TRIM9: variants seen among roughly 807,000 people sequenced by gnomAD.
TRIM9 encodes the protein tripartite motif containing 9.
A neutral mutation model predicts 78.3 loss-of-function variants in TRIM9; 26 were observed. The ratio of observed to expected loss-of-function variants is 0.33; its 90% CI spans 0.24 to 0.46. The LOEUF (loss-of-function observed/expected upper bound fraction) is 0.46. TRIM9 is among the 20% of genes least tolerant of loss of function. The pLI is 1.00. For missense variants in TRIM9, 787 were observed against 1,036.4 expected (o/e 0.76, Z 3.30); for synonymous variants, 398 against 416.5 (o/e 0.96, Z 0.54).
At chr14:50,986,717 T>C (rs1316850066) in intron 7 of TRIM9, among the ~76,000 whole-genome samples, 1 of 152,170 alleles carries the variant, frequency 6.6e-6, no homozygotes, top group Non-Finnish European at 1.5e-5. Context: ...TGTGGGGTGG[T>C]CTAAGGAAGA....
chr14:51,076,721 G>A (rs55928212), intron 1 of TRIM9, among the ~76,000 whole-genome samples: 39,332 of 152,078 alleles, frequency 0.26, 5,464 homozygotes, highest in African/African-American at 0.34. Context: ...CTTCGCAACA[G>A]TCCTTGGTGA....
intron 1 of TRIM9, among the ~76,000 whole-genome samples, chr14:51,092,828 A>G (rs1053801026): frequency 6.6e-6 from 1 of 152,166 alleles, no homozygotes; most frequent in Non-Finnish European, 1.5e-5. Context: ...AATATATAGC[A>G]TGCCACACAG....
chr14:50,998,293 T>C lies in TRIM9; in HGVS notation c.1465-105A>G, dbSNP rs564330260. The C allele has an allele frequency of 3.7e-5, 40 of 1,081,330 alleles. 2 individuals are homozygous for C. The South Asian group carries it at 5.6e-4, about 15-fold the overall frequency. 67.0% of individuals were successfully genotyped at this position (1,081,330 alleles called of 1,614,324 possible). A position where few individuals can be genotyped will look rare whatever the true frequency, so the allele number is the denominator to read the frequency against. ...AGGAGCAAGAGCCCTGGTGTCATTC[T>C]AATCTGGATTTGAATCCTGTGAGAT... On this transcript the variant is annotated intron_variant, in intron 6 of 12. Transcript: ENST00000684578.
At chr14:51,005,093 T>G (rs985945129) in intron 5 of TRIM9, among the ~76,000 whole-genome samples, 30 of 152,332 alleles carry the variant, frequency 2.0e-4, no homozygotes, top group Middle Eastern at 3.4e-3. Context: ...GGAAAGCTAT[T>G]ACCGGTACAC....
chr14:51,014,578 T>C (rs1205082267), intron 3 of TRIM9, among the ~76,000 whole-genome samples: 1 of 152,218 alleles, frequency 6.6e-6, no homozygotes, highest in Non-Finnish European at 1.5e-5. Flanking sequence ...TCTGAATTAA[T>C]TTAGCAAGAT....
At chr14:50,999,579 C>T (rs957273128) in intron 6 of TRIM9, among the ~76,000 whole-genome samples, 1 of 152,096 alleles carries the variant, frequency 6.6e-6, no homozygotes, top group Non-Finnish European at 1.5e-5. Flanking sequence ...AGTGGGGGAT[C>T]AAAAACACAT....
At chr14:51,000,560 A>G in intron 6 of TRIM9, 123 bp downstream of exon 6, 1 of 1,313,170 alleles carries the variant, frequency 7.6e-7, no homozygotes, top group Non-Finnish European at 1.1e-6. Context: ...AAGGGCAGGC[A>G]GGCCCTGCCA....
chr14:50,981,864 C>T lies in TRIM9; in HGVS notation c.2098G>A (p.Ala700Thr). ...KDVMLGKDDK[A>T]WAMYVDNNRS... is the part of the protein sequence containing the mutation. Reference sequence around the variant, plus strand: ...TTATTGTCCACATACATTGCCCAAGCTTTGTCGTCTTTTCCTAACATCACA... The same window carrying T: ...TTATTGTCCACATACATTGCCCAAGTTTTGTCGTCTTTTCCTAACATCACA... The change falls in exon 11 of 13, where the codon GCT (alanine) becomes ACT (threonine). Residue 700 changes from alanine to threonine, a missense_variant. Physicochemically the swap from Ala to Thr is moderately conservative, Grantham distance 58 (BLOSUM62 0). Coordinates refer to ENST00000684578, the MANE Select transcript of TRIM9 (RefSeq NM_001387360.1). 6.2e-7 allele frequency: 1 copy of T among 1,614,222 alleles called. No individual in the cohort carries two copies. The highest frequency in any genetic ancestry group is 8.5e-7 in the Non-Finnish European group (1 of 1,180,034).
chr14:51,080,386 A>C (rs374361255), intron 1 of TRIM9, among the ~76,000 whole-genome samples: 1 of 150,698 alleles, frequency 6.6e-6, no homozygotes, highest in East Asian at 2.0e-4. Context: ...GTCTGAGGGC[A>C]TGGAAGAGTC....
At chr14:51,086,486 T>C (rs1362625324) in intron 1 of TRIM9, among the ~76,000 whole-genome samples, 1 of 152,250 alleles carries the variant, frequency 6.6e-6, no homozygotes, top group African/African-American at 2.4e-5. Context: ...TACCGGGTTA[T>C]ATTGCTAGTT....
At chr14:51,035,649 G>A (rs1159699218) in intron 1 of TRIM9, among the ~76,000 whole-genome samples, 1 of 152,194 alleles carries the variant, frequency 6.6e-6, no homozygotes, top group East Asian at 1.9e-4. Context: ...GCCCAGTGTG[G>A]ACGTGAAGGC....
intron 7 of TRIM9, among the ~76,000 whole-genome samples, chr14:50,995,275 A>G (rs1378656403): frequency 6.6e-6 from 1 of 152,032 alleles, no homozygotes; most frequent in African/African-American, 2.4e-5. Context: ...CCTGTTTTTC[A>G]GTGTTTATCA....
At chr14:51,050,605 C>T (rs980196066) in intron 1 of TRIM9, among the ~76,000 whole-genome samples, 1 of 152,160 alleles carries the variant, frequency 6.6e-6, no homozygotes, top group African/African-American at 2.4e-5. Context: ...GTTTCCCCTC[C>T]TCAAAACTGG....
chr14:51,081,637 G>A (rs2063317103), intron 1 of TRIM9, among the ~76,000 whole-genome samples: 1 of 152,196 alleles, frequency 6.6e-6, no homozygotes, highest in Non-Finnish European at 1.5e-5. Context: ...GATTCCAGTT[G>A]CCAAGTCCTG....
At position 50,976,924 on chromosome 14, in the gene TRIM9, G is replaced by C. The variant is rs1053886533; in HGVS notation, c.*367C>G. On this transcript the variant is annotated 3_prime_UTR_variant, in exon 13 of 13. Coordinates refer to ENST00000684578, the MANE Select transcript of TRIM9 (RefSeq NM_001387360.1). Reference sequence around the variant, plus strand: ...GTTAGCAGGAGAATTTTCTCCTGGCGGTGCCAGTCCAGTAAGTCACCAATA... The same window carrying C: ...GTTAGCAGGAGAATTTTCTCCTGGCCGTGCCAGTCCAGTAAGTCACCAATA... 1 of 164,864 alleles carries C rather than the reference G, an allele frequency of 6.1e-6. No homozygotes were observed. The highest frequency in any genetic ancestry group is 2.4e-5 in the African/African-American group (1 of 41,944). The allele number at this position is 164,864 out of a possible 1,614,324, so 10.2% of individuals were successfully genotyped here. A position where few individuals can be genotyped will look rare whatever the true frequency, so the allele number is the denominator to read the frequency against.
chr14:51,054,697 C>T (rs992051371), intron 1 of TRIM9, among the ~76,000 whole-genome samples: 6 of 152,158 alleles, frequency 3.9e-5, no homozygotes, highest in South Asian at 2.1e-4. Context: ...CCTCAGCCTC[C>T]GGAGTAGCTG....
chr14:51,001,811 C>G (rs930697576), intron 5 of TRIM9, among the ~76,000 whole-genome samples: 1 of 152,174 alleles, frequency 6.6e-6, no homozygotes, highest in Non-Finnish European at 1.5e-5. Context: ...ACCTCGAAAA[C>G]AGCACTAGGT....
intron 1 of TRIM9, among the ~76,000 whole-genome samples, chr14:51,072,497 T>C (rs1007682472): frequency 1.3e-5 from 2 of 152,156 alleles, no homozygotes; most frequent in Non-Finnish European, 1.5e-5. Flanking sequence ...TTTTAGTGGA[T>C]AAGGTTTTTA....
intron 5 of TRIM9, among the ~76,000 whole-genome samples, chr14:51,002,161 G>T (rs1018643593): frequency 1.3e-5 from 2 of 151,994 alleles, no homozygotes; most frequent in South Asian, 2.1e-4. Context: ...TCGCTCTGTC[G>T]TCCAGGCTGG....
Sources: allele counts gnomAD v4.1 joint callset (sites outside exome capture counted in the v4.1 genomes callset), GRCh38; gene constraint gnomAD v4.1.1; transcripts MANE v1.5; gene names NCBI Gene and HGNC (gene_info 2026-07-23, HGNC 2026-07-21).